The following STK32C variants were observed in gnomAD, a reference collection of about 807,000 sequenced individuals.
STK32C encodes serine/threonine kinase 32C, also known as serine/threonine-protein kinase 32C.
STK32C carries 31 observed loss-of-function variants against 56.5 expected under a neutral mutation model. That is an observed-to-expected ratio of 0.55 (90% CI 0.41 to 0.74). STK32C has a LOEUF of 0.74. Among genes scored for constraint, STK32C ranks in the 30% least tolerant of loss-of-function variants. The pLI, the probability that STK32C is intolerant of heterozygous loss-of-function variation, is 0.00. For synonymous variants in STK32C, 309 were observed against 289.4 expected, an observed-to-expected ratio of 1.07 and a Z score of -0.69; for missense variants, 544 against 676.9, an observed-to-expected ratio of 0.80 and a Z score of 2.18.
chr10:132,257,961 G>C (rs1340541493), intron 1 of STK32C, among the ~76,000 whole-genome samples: 1 of 152,176 alleles, frequency 6.6e-6, no homozygotes, highest in African/African-American at 2.4e-5. Flanking sequence ...GACCAGCAAG[G>C]CTCTCCTCAG....
rs578150815 is a variant in STK32C, at chr10:132,239,527, A to C, written c.318+6373T>G. Among the ~76,000 whole-genome samples, 4 of 152,352 alleles carry C rather than the reference A, an allele frequency of 2.6e-5. No individual in the cohort carries two copies. The South Asian group carries it at 8.3e-4, about 32-fold the overall frequency. ...AGATGGGGGTCGCTCCATGCCACGC[A>C]CTTGGCCGCCGCAGAGGGCTCCTGC... On this transcript the variant is annotated intron_variant, in intron 2 of 11. Coordinates refer to ENST00000298630, the MANE Select transcript of STK32C (RefSeq NM_173575.4).
intron 1 of STK32C, among the ~76,000 whole-genome samples, chr10:132,327,220 T>C (rs1316832484): frequency 6.6e-6 from 1 of 152,162 alleles, no homozygotes; most frequent in Non-Finnish European, 1.5e-5. Flanking sequence ...ATCTGATGAT[T>C]TTAAAAAGGG....
intron 1 of STK32C, among the ~76,000 whole-genome samples, chr10:132,281,155 AACAC>A (rs1217968192): frequency 1.3e-5 from 2 of 148,946 alleles, no homozygotes; most frequent in Admixed American, 6.7e-5. Flanking sequence ...CCTATCTTTA[AACAC>A]ACACACGTGA....
At chr10:132,331,961 C>T, upstream of STK32C, 1 of 525,056 alleles carries the variant, frequency 1.9e-6, no homozygotes, top group Non-Finnish European at 3.2e-6. Context: ...GCAGGCGCAC[C>T]ACACCCCGCC....
intron 1 of STK32C, chr10:132,330,541 G>A (rs559891087): frequency 2.8e-6 from 2 of 715,620 alleles, no homozygotes; most frequent in East Asian, 2.7e-5. Flanking sequence ...ACAGGGTCTC[G>A]CTGTCACCGA....
intron 10 of STK32C, among the ~76,000 whole-genome samples, chr10:132,217,698 G>C (rs2062514742): frequency 6.6e-6 from 1 of 152,164 alleles, no homozygotes; most frequent in Admixed American, 6.5e-5. Flanking sequence ...TGTCATGATA[G>C]TGAATGAGTC....
chr10:132,328,153 T>G (rs1450037768), intron 1 of STK32C, among the ~76,000 whole-genome samples: 1 of 152,174 alleles, frequency 6.6e-6, no homozygotes, highest in Non-Finnish European at 1.5e-5. Context: ...GTTCTACTAT[T>G]ATTACTCAGT....
chr10:132,209,429 T>C (rs1415376201), intron 10 of STK32C: 2 of 541,478 alleles, frequency 3.7e-6, no homozygotes, highest in East Asian at 3.9e-5. Flanking sequence ...TTGCCGGGCC[T>C]TTCCCGTCTC....
intron 1 of STK32C, among the ~76,000 whole-genome samples, chr10:132,284,819 C>T (rs1399400076): frequency 6.2e-5 from 9 of 144,768 alleles, no homozygotes; most frequent in African/African-American, 7.7e-5. Flanking sequence ...CCCACGTCTG[C>T]CCAAAGACCA....
chr10:132,267,222 G>A (rs573369358), intron 1 of STK32C, among the ~76,000 whole-genome samples: 1 of 152,376 alleles, frequency 6.6e-6, no homozygotes, highest in East Asian at 1.9e-4. Flanking sequence ...CCAGTGTGGG[G>A]TGCAGGTCTC....
Position 132,264,093 on chromosome 10 carries a change from C to T in STK32C, c.263-18138G>A, listed in dbSNP as rs560217947. On this transcript the variant is annotated intron_variant, in intron 1 of 11. Transcript: ENST00000298630. ...CAGGAGCTGGGGCAGGCGGTGGCGA[C>T]GGATGTAATCAGTAGGCATGGAGTC... 5.3e-5 allele frequency among the ~76,000 whole-genome samples: 8 copies of T among 152,088 alleles called. No individual in the cohort carries two copies. In the South Asian group the frequency reaches 1.0e-3, roughly 20 times the overall value.
chr10:132,234,900 G>A lies in STK32C; in HGVS notation c.319-6772C>T, dbSNP rs143938977. On this transcript the variant is annotated intron_variant, in intron 2 of 11. Transcript: ENST00000298630. ...GGCAGGTGGGAAGCTTGTGTGGCAC[G>A]CCCACCAGGGCAAGTGATGTGGCTG... Among the ~76,000 whole-genome samples, 321 of 152,360 alleles carry A rather than the reference G, an allele frequency of 2.1e-3. 1 individual carries two copies. Among genetic ancestry groups the A allele is most frequent in the Non-Finnish European group, 3.6e-3 (247 of 68,030 alleles).
upstream of STK32C, chr10:132,332,153 C>G (rs80284458): frequency 0.08 from 13,378 of 166,852 alleles, 693 homozygotes; most frequent in African/African-American, 0.15. Context: ...GGATTCCGTA[C>G]CGGCGTCTCC....
At chr10:132,324,149 A>G (rs1265253296) in exon 2 of STK32C, 2 of 707,806 alleles carry the variant, frequency 2.8e-6, no homozygotes, top group Non-Finnish European at 5.2e-6. Context: ...AATGGAGGCC[A>G]AGAGCTGGGG....
intron 1 of STK32C, among the ~76,000 whole-genome samples, chr10:132,266,893 T>C (rs1033901779): frequency 1.3e-5 from 2 of 151,964 alleles, no homozygotes; most frequent in Admixed American, 6.5e-5. Context: ...TCAGCCAGCC[T>C]TGAGGCATGG....
intron 10 of STK32C, among the ~76,000 whole-genome samples, chr10:132,220,257 A>T (rs1052171129): frequency 6.6e-6 from 1 of 152,268 alleles, no homozygotes; most frequent in Non-Finnish European, 1.5e-5. Flanking sequence ...GCGGCAGCGA[A>T]GCAGGGGCTG....
chr10:132,330,501 T>C (rs7085852), intron 1 of STK32C: 137,087 of 712,310 alleles, frequency 0.19, 14,715 homozygotes, highest in East Asian at 0.37. Flanking sequence ...TGGTAGATAG[T>C]TGGGTATGTA....
chr10:132,298,174 C>T (rs979219829), intron 1 of STK32C, among the ~76,000 whole-genome samples: 1 of 152,250 alleles, frequency 6.6e-6, no homozygotes, highest in Non-Finnish European at 1.5e-5. Flanking sequence ...CCCGCAGCAG[C>T]CCTAGCCCAC....
At chr10:132,295,549 G>C (rs1192503203) in intron 1 of STK32C, among the ~76,000 whole-genome samples, 8 of 152,244 alleles carry the variant, frequency 5.3e-5, no homozygotes, top group Non-Finnish European at 8.8e-5. Flanking sequence ...TGATATCAAT[G>C]ACGGGGTAAC....
Sources: allele counts gnomAD v4.1 joint callset (sites outside exome capture counted in the v4.1 genomes callset), GRCh38; gene constraint gnomAD v4.1.1; transcripts MANE v1.5; gene names NCBI Gene and HGNC (gene_info 2026-07-23, HGNC 2026-07-21).